Variants in B3GALT1 observed in about 807,000 individuals in gnomAD.
B3GALT1 encodes the protein beta-1,3-galactosyltransferase 1.
A neutral mutation model predicts 23.2 loss-of-function variants in B3GALT1; 10 were observed. The ratio of observed to expected loss-of-function variants is 0.43; its 90% CI spans 0.27 to 0.73. The LOEUF (loss-of-function observed/expected upper bound fraction) is 0.73. Ranked by LOEUF, B3GALT1 falls within the 30% of genes least tolerant of loss-of-function variation. B3GALT1 has a pLI of 0.21. For missense variants in B3GALT1, 299 were observed against 405.4 expected (o/e 0.74, Z 2.25); for synonymous variants, 156 against 141.5 (o/e 1.10, Z -0.73).
intron 3 of B3GALT1, among the ~76,000 whole-genome samples, chr2:167,658,321 T>A (rs979380445): frequency 6.6e-6 from 1 of 151,980 alleles, no homozygotes; most frequent in African/African-American, 2.4e-5. Context: ...TAGATGCTGG[T>A]AGAAAAAAAA....
At chr2:167,529,220 T>C (rs1683275692) in intron 2 of B3GALT1, among the ~76,000 whole-genome samples, 1 of 152,138 alleles carries the variant, frequency 6.6e-6, no homozygotes, top group Non-Finnish European at 1.5e-5. Flanking sequence ...TAGTTTCTTC[T>C]CAATTTTTAT....
intron 3 of B3GALT1, among the ~76,000 whole-genome samples, chr2:167,768,948 A>G (rs1435746886): frequency 2.6e-5 from 4 of 152,202 alleles, no homozygotes; most frequent in Non-Finnish European, 5.9e-5. Flanking sequence ...CATTTAGGAA[A>G]GTATTGCTTA....
At chr2:167,617,550 A>G (rs1685182628) in intron 2 of B3GALT1, among the ~76,000 whole-genome samples, 1 of 152,112 alleles carries the variant, frequency 6.6e-6, no homozygotes, top group South Asian at 2.1e-4. Context: ...AGTGTCTGCC[A>G]TAGAAACTGA....
At chr2:167,538,347 G>T (rs1336885728) in intron 2 of B3GALT1, among the ~76,000 whole-genome samples, 1 of 152,128 alleles carries the variant, frequency 6.6e-6, no homozygotes. Flanking sequence ...TGCTTTTAAA[G>T]TATGTATCAG....
chr2:167,624,878 T>TAA (rs1246553618), intron 2 of B3GALT1, among the ~76,000 whole-genome samples: 7 of 152,036 alleles, frequency 4.6e-5, no homozygotes, highest in Admixed American at 2.0e-4. Context: ...TTAACTACTT[T>TAA]ATGGAAAAAA....
chr2:167,330,487 G>A (rs1696956563), intron 1 of B3GALT1, among the ~76,000 whole-genome samples: 1 of 152,168 alleles, frequency 6.6e-6, no homozygotes, highest in Admixed American at 6.5e-5. Flanking sequence ...GCACGTGCCT[G>A]TAGTGCCAGC....
intron 2 of B3GALT1, among the ~76,000 whole-genome samples, chr2:167,540,500 A>T (rs894824254): frequency 6.6e-6 from 1 of 152,298 alleles, no homozygotes; most frequent in East Asian, 1.9e-4. Context: ...AGTAAACCTG[A>T]TACTCACTGG....
chr2:167,764,863 G>T (rs1441054093), intron 3 of B3GALT1, among the ~76,000 whole-genome samples: 2 of 152,082 alleles, frequency 1.3e-5, no homozygotes, highest in East Asian at 1.9e-4. Flanking sequence ...ACTGCTTGGG[G>T]GTAAACAAGG....
chr2:167,681,209 G>A, intron 3 of B3GALT1, among the ~76,000 whole-genome samples: 1 of 152,080 alleles, frequency 6.6e-6, no homozygotes, highest in East Asian at 1.9e-4. Context: ...TCCCAGCATA[G>A]CATTTTGCTT....
chr2:167,733,970 G>T (rs1468934088), intron 3 of B3GALT1, among the ~76,000 whole-genome samples: 1 of 151,984 alleles, frequency 6.6e-6, no homozygotes, highest in Admixed American at 6.5e-5. Context: ...TCTAACTGCG[G>T]CTCAGCTTTC....
At chr2:167,603,446 C>G (rs576750170) in intron 2 of B3GALT1, among the ~76,000 whole-genome samples, 1 of 152,128 alleles carries the variant, frequency 6.6e-6, no homozygotes, top group Non-Finnish European at 1.5e-5. Flanking sequence ...CATTAGTATC[C>G]TGGTATCCAT....
chr2:167,746,081 T>C (rs1414971498), intron 3 of B3GALT1, among the ~76,000 whole-genome samples: 1 of 152,200 alleles, frequency 6.6e-6, no homozygotes, highest in Non-Finnish European at 1.5e-5. Flanking sequence ...TAAGGGATGA[T>C]TTAGAAAGTG....
At chr2:167,823,569 A>G (rs1376459053) in intron 4 of B3GALT1, among the ~76,000 whole-genome samples, 2 of 152,224 alleles carry the variant, frequency 1.3e-5, no homozygotes, top group African/African-American at 4.8e-5. Context: ...CAAAAGGAAT[A>G]CCCAGTTTTC....
intron 3 of B3GALT1, among the ~76,000 whole-genome samples, chr2:167,693,671 A>T (rs1207381971): frequency 1.3e-5 from 2 of 152,150 alleles, no homozygotes; most frequent in African/African-American, 2.4e-5. Context: ...GACACTATGG[A>T]TGTCTACACT....
chr2:167,559,782 C>G (rs1218290092), intron 2 of B3GALT1, among the ~76,000 whole-genome samples: 1 of 152,108 alleles, frequency 6.6e-6, no homozygotes, highest in Non-Finnish European at 1.5e-5. Context: ...ATGAACAAAG[C>G]CTCCAAGAAA....
intron 3 of B3GALT1, among the ~76,000 whole-genome samples, chr2:167,683,899 C>T (rs1350265191): frequency 2.6e-5 from 4 of 152,154 alleles, no homozygotes; most frequent in Non-Finnish European, 1.5e-5. Context: ...TGGCAAGATA[C>T]ACTAATGCAT....
chr2:167,691,867 A>G (rs374956452), intron 3 of B3GALT1, among the ~76,000 whole-genome samples: 61 of 152,310 alleles, frequency 4.0e-4, no homozygotes, highest in Admixed American at 1.1e-3. Context: ...ATGTGCATAT[A>G]TAAGTAAATA....
intron 3 of B3GALT1, among the ~76,000 whole-genome samples, chr2:167,749,324 T>C (rs1687698406): frequency 1.3e-5 from 2 of 152,188 alleles, no homozygotes; most frequent in African/African-American, 4.8e-5. Flanking sequence ...ATGTGTCCGA[T>C]CTTCCTGCCC....
chr2:167,811,748 C>G (rs1388253300), intron 3 of B3GALT1, among the ~76,000 whole-genome samples: 5 of 152,170 alleles, frequency 3.3e-5, no homozygotes, highest in African/African-American at 1.2e-4. Flanking sequence ...TGTTATGCCT[C>G]TCTGGTCAAT....
Sources: allele counts gnomAD v4.1 joint callset (sites outside exome capture counted in the v4.1 genomes callset), GRCh38; gene constraint gnomAD v4.1.1; transcripts MANE v1.5; gene names NCBI Gene and HGNC (gene_info 2026-07-23, HGNC 2026-07-21).